The following CAST variants were observed in gnomAD, a reference collection of about 807,000 sequenced individuals.
CAST encodes the protein calpastatin, also known as MIR583 host.
Under a neutral mutation model 119.6 loss-of-function variants are expected in CAST, and 76 were observed. The observed-to-expected ratio is 0.64, with a 90% confidence interval of 0.53 to 0.77. The LOEUF (loss-of-function observed/expected upper bound fraction) is 0.77, where lower values mean the gene tolerates loss of function less well. CAST is among the 30% of genes least tolerant of loss of function. CAST has a pLI of 0.00. For synonymous variants in CAST, 319 were observed against 331.6 expected (o/e 0.96, Z 0.41); for missense variants, 953 against 946.5 (o/e 1.01, Z -0.09).
chr5:96,184,775 T>C, the CAST span, among the ~76,000 whole-genome samples: 4 of 152,226 alleles, frequency 2.6e-5, no homozygotes, highest in Admixed American at 6.5e-5. Context: ...TTTAGGTTGA[T>C]TCCATGCCTT....
At chr5:96,581,479 A>G (rs1389367922) in intron 1 of CAST, among the ~76,000 whole-genome samples, 1 of 152,240 alleles carries the variant, frequency 6.6e-6, no homozygotes, top group Non-Finnish European at 1.5e-5. Context: ...TATTTAAAAA[A>G]ATCTTAAGTG....
chr5:96,206,129 TTA>T, the CAST span, among the ~76,000 whole-genome samples: 535 of 152,048 alleles, frequency 3.5e-3, 2 homozygotes, highest in African/African-American at 0.012. Flanking sequence ...TGAAACGTGT[TTA>T]TGTCTTTTGC....
the CAST span, chr5:96,392,859 A>T: frequency 1.2e-6 from 1 of 811,274 alleles, no homozygotes; most frequent in Non-Finnish European, 2.1e-6. Context: ...TCACATGTAC[A>T]GTTTAGGGAG....
intron 3 of CAST, among the ~76,000 whole-genome samples, chr5:96,713,625 G>T (rs1343069007): frequency 6.6e-6 from 1 of 152,166 alleles, no homozygotes; most frequent in South Asian, 2.1e-4. Context: ...TAATGTTGCA[G>T]GTTCTTTCCT....
At chr5:95,963,725 C>CTTT in the CAST span, among the ~76,000 whole-genome samples, 46 of 129,972 alleles carry the variant, frequency 3.5e-4, no homozygotes, top group African/African-American at 1.0e-3. Flanking sequence ...TTCTCTCTCT[C>CTTT]TTTTTTTTTT....
intron 1 of CAST, among the ~76,000 whole-genome samples, chr5:96,574,831 A>G (rs1432274839): frequency 1.3e-5 from 2 of 152,144 alleles, no homozygotes; most frequent in South Asian, 2.1e-4. Flanking sequence ...TGTGCACCAT[A>G]CGAAACAGCA....
chr5:96,351,006 G>A, the CAST span, among the ~76,000 whole-genome samples: 2 of 152,134 alleles, frequency 1.3e-5, no homozygotes, highest in Non-Finnish European at 2.9e-5. Context: ...TTAATGAGAT[G>A]ATGACCTTTA....
the CAST span, among the ~76,000 whole-genome samples, chr5:96,014,705 A>G: frequency 2.0e-5 from 3 of 152,168 alleles, no homozygotes; most frequent in African/African-American, 7.2e-5. Context: ...TTGTATACAG[A>G]TCTATGCAAG....
chr5:96,163,368 C>A, the CAST span, among the ~76,000 whole-genome samples: 2 of 152,094 alleles, frequency 1.3e-5, no homozygotes, highest in Admixed American at 1.3e-4. Flanking sequence ...TTTTGTCGAT[C>A]TTCTCTATTC....
At chr5:96,305,212 A>G in the CAST span, among the ~76,000 whole-genome samples, 2 of 152,162 alleles carry the variant, frequency 1.3e-5, no homozygotes, top group Non-Finnish European at 2.9e-5. Context: ...CTTTGTAGCA[A>G]CTGTGAATGG....
the CAST span, among the ~76,000 whole-genome samples, chr5:96,509,817 A>G: frequency 6.6e-6 from 1 of 152,200 alleles, no homozygotes; most frequent in African/African-American, 2.4e-5. Context: ...ACCGTTGTCT[A>G]ACTTCTGTTG....
the CAST span, among the ~76,000 whole-genome samples, chr5:96,427,669 G>C: frequency 6.6e-6 from 1 of 152,202 alleles, no homozygotes; most frequent in Admixed American, 6.5e-5. Flanking sequence ...GAGATACTTT[G>C]AGTAAGAATA....
chr5:96,110,445 C>T, the CAST span, among the ~76,000 whole-genome samples: 95 of 152,284 alleles, frequency 6.2e-4, no homozygotes, highest in African/African-American at 2.2e-3. Context: ...AATTACCTCT[C>T]AAACAAATGG....
chr5:96,653,592 A>T (rs753486562), intron 1 of CAST, among the ~76,000 whole-genome samples: 2 of 152,266 alleles, frequency 1.3e-5, no homozygotes, highest in African/African-American at 2.4e-5. Flanking sequence ...AAATGCATAT[A>T]AAGTCCTAGA....
At chr5:96,697,973 T>A (rs1178565965) in intron 3 of CAST, among the ~76,000 whole-genome samples, 1 of 152,340 alleles carries the variant, frequency 6.6e-6, no homozygotes, top group South Asian at 2.1e-4. Context: ...TAAAAAAGAT[T>A]AACTTTTATT....
the CAST span, among the ~76,000 whole-genome samples, chr5:96,291,100 T>A: frequency 1.3e-5 from 2 of 152,216 alleles, no homozygotes; most frequent in Non-Finnish European, 2.9e-5. Context: ...TGAATCATCT[T>A]GGAAGCAGAT....
At chr5:96,230,118 C>T in the CAST span, among the ~76,000 whole-genome samples, 1 of 144,228 alleles carries the variant, frequency 6.9e-6, no homozygotes, top group Non-Finnish European at 1.5e-5. Flanking sequence ...GGAAGAACTT[C>T]TTATAGAGCC....
chr5:96,336,158 A>C, the CAST span, among the ~76,000 whole-genome samples: 1 of 152,116 alleles, frequency 6.6e-6, no homozygotes, highest in African/African-American at 2.4e-5. Context: ...TCCCTTGTCT[A>C]TCTCTTAAAC....
the CAST span, among the ~76,000 whole-genome samples, chr5:96,351,636 G>A: frequency 2.6e-5 from 4 of 152,068 alleles, no homozygotes; most frequent in South Asian, 2.1e-4. Context: ...CCTGTATTAC[G>A]TATCTGGAGT....
Sources: gnomAD v4.1 joint callset for allele counts (sites outside exome capture counted in the v4.1 genomes callset) on GRCh38, gnomAD v4.1.1 for gene constraint, MANE v1.5 for transcripts, NCBI Gene and HGNC (gene_info 2026-07-23, HGNC 2026-07-21) for gene names.